ZAN: variants seen among roughly 807,000 people sequenced by gnomAD.
ZAN encodes the protein zonadhesin, also known as zonadhesin (gene/pseudogene).
A neutral mutation model predicts 286.2 loss-of-function variants in ZAN; 260 were observed. The ratio of observed to expected loss-of-function variants is 0.91; its 90% CI spans 0.82 to 1.01. ZAN has a LOEUF of 1.01. ZAN is among the 50% of genes least tolerant of loss of function. The pLI is 0.00. For missense variants in ZAN, 3,410 were observed against 3,639.2 expected, an observed-to-expected ratio of 0.94 and a Z score of 1.62; for synonymous variants, 1,368 against 1,417.5, an observed-to-expected ratio of 0.97 and a Z score of 0.79.
At position 100,751,224 on chromosome 7, in the gene ZAN, G is replaced by A. The variant is rs148531950; in HGVS notation, c.1564G>A (p.Val522Ile). Residue 522 changes from valine (V) to isoleucine (I), a missense_variant, in exon 13 of 48, where the codon GTT becomes ATT. Val to Ile is a conservative substitution (Grantham distance 29). Coordinates refer to ENST00000613979, the MANE Select transcript of ZAN (RefSeq NM_003386.3). ...CCAGGGAAGCAACACGGCCTCTGTG[G>A]TTGCTATGGGTTTCATCTTGATCAA... Reference protein sequence around the residue: ...GIQGSNTASVVAMGFILINPG... With the variant: ...GIQGSNTASVIAMGFILINPG... 1.4e-3 allele frequency: 2,277 copies of A among 1,609,714 alleles called. 31 individuals are homozygous for A. In the African/African-American group the frequency reaches 0.026, roughly 18 times the overall value.
rs1029053944 is a variant in ZAN at position 100,763,091 on chromosome 7, T to A, written c.3987-715T>A. Among the ~76,000 whole-genome samples the A allele has an allele frequency of 2.7e-5, 4 of 149,520 alleles. No individual in the cohort carries two copies. The highest frequency in any genetic ancestry group is 6.7e-5 in the Admixed American group (1 of 14,916). Reference sequence around the variant, plus strand: ...GGCTCAAGTGATTCTCACGCCTCAATCCCAATGAGATTATAGGCACATGCC... The same window carrying A: ...GGCTCAAGTGATTCTCACGCCTCAAACCCAATGAGATTATAGGCACATGCC... On this transcript the variant is annotated intron_variant, in intron 20 of 47. Transcript: ENST00000613979. The surrounding 1 kb of genome is among the most constrained non-coding windows in gnomAD (Gnocchi z 4.6).
chr7:100,738,546 G>T lies in ZAN; in HGVS notation c.699G>T (p.Trp233Cys). 1 of 1,512,898 alleles carries T rather than the reference G, an allele frequency of 6.6e-7. No individual in the cohort carries two copies. The highest frequency in any genetic ancestry group is 9.1e-7 in the Non-Finnish European group (1 of 1,102,370). The allele number at this position is 1,512,898 out of a possible 1,614,324, so 93.7% of individuals were successfully genotyped here. Reference sequence around the variant, plus strand: ...TCCCAACTGCCTCCGGGGCCAAGTGGACTCAGAAGAAAGGGTCATCAGGAA... The same window carrying T: ...TCCCAACTGCCTCCGGGGCCAAGTGTACTCAGAAGAAAGGGTCATCAGGAA... ...TWIPTASGAK[W>C]TQKKGSSGKP... The change falls in exon 7 of 48, where the codon TGG becomes TGT. Residue 233 changes from tryptophan (W) to cysteine (C), a missense_variant. Transcript: ENST00000613979.
In ZAN at chr7:100,759,710, T is replaced by G; in HGVS notation, c.3572-11T>G. The stretch of plus-strand genomic sequence containing the variant: ...AGCCACTGGGCTCTCTTCATTCCTC[T>G]CCCTACCCAGACCCATTCTTCAGGG... On this transcript the variant is annotated splice_polypyrimidine_tract_variant and intron_variant, in intron 17 of 47. Transcript: ENST00000613979. 1 of 1,578,040 alleles carries G rather than the reference T, an allele frequency of 6.3e-7. No homozygotes were observed. Among genetic ancestry groups the G allele is most frequent in the Non-Finnish European group, 8.6e-7 (1 of 1,162,020 alleles).
chr7:100,750,503 T>C, intron 11 of ZAN, 122 bp from the exon 12 acceptor site: 1 of 1,219,648 alleles, frequency 8.2e-7, no homozygotes, highest in South Asian at 1.5e-5. Flanking sequence ...AAAATAATGC[T>C]ACGACCTGGG....
At chr7:100,739,261 C>G (rs1474596101) in intron 7 of ZAN, among the ~76,000 whole-genome samples, 3 of 136,476 alleles carry the variant, frequency 2.2e-5, no homozygotes, top group African/African-American at 8.0e-5. Context: ...GTCCACCTGC[C>G]TCAGCCTCCC....
At chr7:100,743,075 G>C (rs2115692653) in intron 7 of ZAN, among the ~76,000 whole-genome samples, 1 of 139,962 alleles carries the variant, frequency 7.1e-6, no homozygotes, top group South Asian at 2.3e-4. Flanking sequence ...CCAGGCTGGA[G>C]TGCAATGGCA....
Position 100,766,559 on chromosome 7 carries a change from A to G in ZAN, c.4505A>G (p.Glu1502Gly), listed in dbSNP as rs199510068. 3.8e-3 allele frequency: 5,959 copies of G among 1,551,962 alleles called. 14 individuals carry two copies. Among genetic ancestry groups the G allele is most frequent in the Non-Finnish European group, 4.8e-3 (5,541 of 1,147,132 alleles). The change falls in exon 24 of 48, where the codon GAG becomes GGG. Residue 1502 changes from glutamate to glycine, a missense_variant. This residue lies in a region of ZAN where 1,042 missense variants were observed against 1,058.0 expected (regional missense o/e 0.98). Coordinates refer to ENST00000613979, the MANE Select transcript of ZAN (RefSeq NM_003386.3). ...GERWYKPGCKELCVCESNNRI... is the reference protein window; with the variant it reads ...GERWYKPGCKGLCVCESNNRI... ...CGGTGGTACAAGCCAGGCTGCAAAG[A>G]GTTGTGCGTCTGTGAAAGCAACAAC...
rs751989076 is a variant in ZAN, at chr7:100,795,316, C to T, written c.8246C>T (p.Ala2749Val). ...GGCCTGTGTATGGAGCCTCGAGATG[C>T]GCCACCTCCCAGAAAGCCAGGTGAG... ...GGGLCMEPRD[A>V]PPPRKPASNL... Residue 2749 changes from alanine (A) to valine (V), a missense_variant, in exon 45 of 48, where the codon GCG (alanine) becomes GTG (valine). This residue lies in a region of ZAN where 1,289 missense variants were observed against 1,314.3 expected (regional missense o/e 0.98). Coordinates refer to ENST00000613979, the MANE Select transcript of ZAN (RefSeq NM_003386.3). 3.3e-5 allele frequency: 52 copies of T among 1,590,904 alleles called. No homozygotes were observed. Among genetic ancestry groups the T allele is most frequent in the Admixed American group, 6.9e-5 (4 of 58,048 alleles).
intron 2 of ZAN, 148 bp from the exon 3 acceptor site, chr7:100,735,569 GAAA>G: frequency 1.3e-5 from 7 of 559,218 alleles, no homozygotes; most frequent in South Asian, 6.9e-5. Context: ...AAAAAGAAAA[GAAA>G]AAAAGAAAAA....
intron 36 of ZAN, among the ~76,000 whole-genome samples, chr7:100,785,084 A>G (rs1227747639): frequency 6.6e-6 from 1 of 152,156 alleles, no homozygotes; most frequent in Non-Finnish European, 1.5e-5. Context: ...GGCTCATTTC[A>G]GCCTAACCTA....
chr7:100,761,294 A>G (rs1189457705), intron 19 of ZAN, among the ~76,000 whole-genome samples: 1 of 152,178 alleles, frequency 6.6e-6, no homozygotes, highest in Non-Finnish European at 1.5e-5. Context: ...CCTTGGGGCC[A>G]GGAATTCCAG....
intron 41 of ZAN, 24 bp from the exon 42 acceptor site, chr7:100,792,381 C>G: frequency 1.3e-6 from 2 of 1,588,278 alleles, no homozygotes; most frequent in Non-Finnish European, 1.7e-6. Context: ...TGACTGTGCC[C>G]TTCCTGCCCC....
At position 100,792,120 on chromosome 7, in the gene ZAN, C is replaced by G. The variant is rs367935542; in HGVS notation, c.7684C>G (p.Gln2562Glu). ...DPQGPFAACH[Q>E]TVAPEPFQEH... ...CCAGGGCCCCTTTGCTGCCTGTCAC[C>G]AGACGGTGGCCCCAGAGCCCTTCCA... The change falls in exon 41 of 48, where the codon CAG becomes GAG. Residue 2562 changes from glutamine (Q) to glutamate (E), a missense_variant. Gln to Glu is a conservative substitution (Grantham distance 29). Coordinates refer to ENST00000613979, the MANE Select transcript of ZAN (RefSeq NM_003386.3). 4.1e-4 allele frequency: 657 copies of G among 1,611,354 alleles called. No individual in the cohort carries two copies. The highest frequency in any genetic ancestry group is 5.1e-4 in the Non-Finnish European group (607 of 1,179,212).
In ZAN at chr7:100,758,521, C is replaced by T; in HGVS notation, c.3452-10C>T. On this transcript the variant is annotated splice_polypyrimidine_tract_variant and intron_variant, in intron 16 of 47. Transcript: ENST00000613979. ...GAAGCAGCTTCGCCTGTTCTCCTTC[C>T]CCCTCCCAGCAGGCACTGCCACCTG... The T allele has an allele frequency of 6.4e-7, 1 of 1,555,760 alleles. No homozygotes were observed. Among genetic ancestry groups the T allele is most frequent in the South Asian group, 1.2e-5 (1 of 84,412 alleles).
At chr7:100,777,929 G>A (rs575787610) in intron 34 of ZAN, among the ~76,000 whole-genome samples, 20 of 152,192 alleles carry the variant, frequency 1.3e-4, no homozygotes, top group African/African-American at 3.4e-4. Flanking sequence ...ATTCTGGGGC[G>A]ATGTGTGTAA....
At position 100,751,971 on chromosome 7, in the gene ZAN, C is replaced by G. The variant is rs773837593; in HGVS notation, c.1866C>G (p.Pro622=). ...TGCCCTCAGAAAAACCCACCATTCC[C>G]TCAGAAAAACCCACCATCCTCACAG... ...PNMPSEKPTI[P]SEKPTILTEK... The change falls in exon 14 of 48, where the codon CCC becomes CCG. Residue 622 remains proline, a synonymous_variant. Coordinates refer to ENST00000613979, the MANE Select transcript of ZAN (RefSeq NM_003386.3). 30 of 1,612,852 alleles carry G rather than the reference C, an allele frequency of 1.9e-5. No individual in the cohort carries two copies. Among genetic ancestry groups the G allele is most frequent in the African/African-American group, 1.3e-4 (10 of 74,790 alleles).
chr7:100,754,027 T>G (rs934194169), intron 14 of ZAN, among the ~76,000 whole-genome samples: 1 of 152,092 alleles, frequency 6.6e-6, no homozygotes, highest in Admixed American at 6.6e-5. Context: ...CCTATATCCA[T>G]GGATTTGCCA....
chr7:100,773,199 T>C (rs553275517), intron 29 of ZAN, 86 bp from the exon 30 acceptor site: 14 of 1,459,896 alleles, frequency 9.6e-6, no homozygotes, highest in African/African-American at 4.2e-5. Context: ...CTACCGCTCC[T>C]GGCCACTACT....
rs527738853 is a variant in ZAN, at chr7:100,763,196, C to T, written c.3987-610C>T. Among the ~76,000 whole-genome samples, 1 of 152,166 alleles carries T rather than the reference C, an allele frequency of 6.6e-6. No individual in the cohort carries two copies. Among genetic ancestry groups the T allele is most frequent in the African/African-American group, 2.4e-5 (1 of 41,542 alleles). ...GCCAGGCTGGTTTCGAACTCCTGAC[C>T]TCAGGTGATTCACCTGCCCTGGCCT... is the stretch of plus-strand genomic sequence containing the variant. On this transcript the variant is annotated intron_variant, in intron 20 of 47. Coordinates refer to ENST00000613979, the MANE Select transcript of ZAN (RefSeq NM_003386.3). The surrounding 1 kb of genome is among the most constrained non-coding windows in gnomAD (Gnocchi z 4.6).
Sources: gnomAD v4.1 joint callset for allele counts (sites outside exome capture counted in the v4.1 genomes callset) on GRCh38, gnomAD v4.1.1 for gene constraint, gnomAD v4.1.1 regional missense constraint, Gnocchi (gnomAD v3.1) non-coding constraint, MANE v1.5 for transcripts, NCBI Gene and HGNC (gene_info 2026-07-23, HGNC 2026-07-21) for gene names.